CLSTN2: variants seen among roughly 807,000 people sequenced by gnomAD.
The protein encoded by CLSTN2 is calsyntenin-2.
A neutral mutation model predicts 101.2 loss-of-function variants in CLSTN2; 48 were observed. That is an observed-to-expected ratio of 0.47 (90% confidence interval 0.38 to 0.60). CLSTN2 has a LOEUF of 0.60. Among genes scored for constraint, CLSTN2 ranks in the 20% least tolerant of loss-of-function variants. The pLI is 0.00. For missense variants in CLSTN2, 1,160 were observed against 1,238.2 expected (o/e 0.94, Z 0.95); for synonymous variants, 481 against 463.6 (o/e 1.04, Z -0.48).
chr3:139,975,720 G>A (rs1372704220), intron 1 of CLSTN2, among the ~76,000 whole-genome samples: 5 of 152,170 alleles, frequency 3.3e-5, no homozygotes, highest in Non-Finnish European at 7.3e-5. Context: ...CTGACACATA[G>A]TGGGACGCAG....
chr3:140,146,450 T>A (rs549151617), intron 1 of CLSTN2, among the ~76,000 whole-genome samples: 2 of 152,116 alleles, frequency 1.3e-5, no homozygotes, highest in Non-Finnish European at 2.9e-5. Context: ...GGAAGTGAGA[T>A]GAAAGGGTTT....
At chr3:140,462,554 A>T (rs905093006) in intron 7 of CLSTN2, among the ~76,000 whole-genome samples, 3 of 152,250 alleles carry the variant, frequency 2.0e-5, no homozygotes, top group African/African-American at 7.2e-5. Flanking sequence ...TGTACTAAGT[A>T]AAACTTACTA....
chr3:140,453,743 A>C (rs962161975), intron 6 of CLSTN2, among the ~76,000 whole-genome samples: 2 of 152,204 alleles, frequency 1.3e-5, no homozygotes, highest in Non-Finnish European at 2.9e-5. Context: ...TACAATTGTT[A>C]TGTGTCAATT....
rs533651914 is a variant in CLSTN2 at position 140,177,935 on chromosome 3, C to T, written c.232+1862C>T. Among the ~76,000 whole-genome samples the T allele has an allele frequency of 4.6e-5, 7 of 152,280 alleles. No homozygotes were observed. The South Asian group carries it at 1.0e-3, about 23-fold the overall frequency. On this transcript the variant is annotated intron_variant, in intron 2 of 16. Transcript: ENST00000458420. ...ACCCCTCACTTCCCTCATCCCCTTT[C>T]CTCCCAGCCTATATGCAGAGGCCCT...
chr3:140,554,381 A>G (rs913565244), intron 10 of CLSTN2, among the ~76,000 whole-genome samples: 14 of 152,220 alleles, frequency 9.2e-5, no homozygotes, highest in African/African-American at 2.2e-4. Context: ...GGAAAAGTTA[A>G]TATACATTTT....
At chr3:140,124,647 A>G (rs533757283) in intron 1 of CLSTN2, among the ~76,000 whole-genome samples, 67 of 152,186 alleles carry the variant, frequency 4.4e-4, no homozygotes, top group Middle Eastern at 6.8e-3. Flanking sequence ...CCAGGAGGAG[A>G]TATGGGGGCA....
intron 2 of CLSTN2, among the ~76,000 whole-genome samples, chr3:140,220,570 A>G (rs776650531): frequency 6.6e-6 from 1 of 152,244 alleles, no homozygotes; most frequent in Non-Finnish European, 1.5e-5. Flanking sequence ...TGAATAACTC[A>G]TGAAGGAGAT....
intron 2 of CLSTN2, among the ~76,000 whole-genome samples, chr3:140,321,821 A>C (rs954237219): frequency 2.0e-5 from 3 of 152,188 alleles, no homozygotes; most frequent in Non-Finnish European, 2.9e-5. Context: ...TGCTATTTTA[A>C]TGTCTAGTAC....
chr3:140,502,816 G>A (rs1934608355), intron 8 of CLSTN2, among the ~76,000 whole-genome samples: 1 of 152,184 alleles, frequency 6.6e-6, no homozygotes. Context: ...AGGATTGTGT[G>A]TTGAGCAAGA....
chr3:140,560,323 C>A (rs960568671), intron 12 of CLSTN2, among the ~76,000 whole-genome samples: 1 of 152,190 alleles, frequency 6.6e-6, no homozygotes, highest in African/African-American at 2.4e-5. Context: ...GCTGTCAATA[C>A]CAAAGACAGG....
intron 1 of CLSTN2, among the ~76,000 whole-genome samples, chr3:139,994,239 G>T (rs1173830841): frequency 6.6e-6 from 1 of 152,182 alleles, no homozygotes; most frequent in Non-Finnish European, 1.5e-5. Context: ...TGCACTTTCT[G>T]CAGGCAAGAA....
At chr3:140,274,510 A>C (rs1428975262) in intron 2 of CLSTN2, among the ~76,000 whole-genome samples, 3 of 152,242 alleles carry the variant, frequency 2.0e-5, no homozygotes, top group Non-Finnish European at 4.4e-5. Context: ...ACAAAAAGGT[A>C]GGAAGAGTTA....
intron 2 of CLSTN2, among the ~76,000 whole-genome samples, chr3:140,389,530 T>C (rs1329459636): frequency 3.3e-5 from 5 of 152,260 alleles, no homozygotes; most frequent in Admixed American, 6.5e-5. Flanking sequence ...ATCCAGTCTA[T>C]CATTGATGGG....
chr3:140,035,721 C>T (rs2007639457), intron 1 of CLSTN2, among the ~76,000 whole-genome samples: 1 of 152,136 alleles, frequency 6.6e-6, no homozygotes, highest in Admixed American at 6.5e-5. Context: ...ATTATTTTGC[C>T]AGTCATTTGT....
Position 140,176,417 on chromosome 3 carries a change from C to T in CLSTN2, c.232+344C>T, listed in dbSNP as rs544432110. Among the ~76,000 whole-genome samples the T allele has an allele frequency of 1.6e-4, 24 of 152,150 alleles. 1 individual carries two copies. Among genetic ancestry groups the T allele is most frequent in the South Asian group, 1.2e-3 (6 of 4,822 alleles). Reference sequence around the variant, plus strand: ...ACCCATAGAGAGAAGACCTATTGGCCGACTACCCACATGTAATTGATAAGT... The same window carrying T: ...ACCCATAGAGAGAAGACCTATTGGCTGACTACCCACATGTAATTGATAAGT... On this transcript the variant is annotated intron_variant, in intron 2 of 16. Transcript: ENST00000458420.
At chr3:140,179,645 A>AC (rs1559799762) in intron 2 of CLSTN2, among the ~76,000 whole-genome samples, 7 of 149,470 alleles carry the variant, frequency 4.7e-5, no homozygotes, top group Non-Finnish European at 8.9e-5. Flanking sequence ...AAAAAAAAAA[A>AC]AAAAAAACCT....
chr3:140,522,939 T>G (rs1935062472), intron 8 of CLSTN2, among the ~76,000 whole-genome samples: 1 of 152,218 alleles, frequency 6.6e-6, no homozygotes, highest in Non-Finnish European at 1.5e-5. Flanking sequence ...TTGTAATCTT[T>G]CTTTTACTCT....
chr3:140,565,690 G>T (rs945933630), intron 16 of CLSTN2, among the ~76,000 whole-genome samples: 4 of 152,166 alleles, frequency 2.6e-5, no homozygotes, highest in Non-Finnish European at 4.4e-5. Flanking sequence ...AAACACTAAG[G>T]CTTGGACAGC....
chr3:140,046,838 G>T (rs1332231154), intron 1 of CLSTN2, among the ~76,000 whole-genome samples: 3 of 151,996 alleles, frequency 2.0e-5, no homozygotes, highest in African/African-American at 7.3e-5. Flanking sequence ...CTCTGTCAAA[G>T]AATTGTGGAA....
Sources: allele counts gnomAD v4.1 joint callset (sites outside exome capture counted in the v4.1 genomes callset), GRCh38; gene constraint gnomAD v4.1.1; transcripts MANE v1.5; gene names NCBI Gene and HGNC (gene_info 2026-07-23, HGNC 2026-07-21).